Variants in FAF1 observed in about 807,000 individuals in gnomAD.
FAF1 encodes Fas associated factor 1.
A neutral mutation model predicts 92.5 loss-of-function variants in FAF1; 25 were observed. The ratio of observed to expected loss-of-function variants is 0.27; its 90% CI spans 0.20 to 0.38. FAF1 has a LOEUF of 0.38. Among genes scored for constraint, FAF1 ranks in the 10% least tolerant of loss-of-function variants. The pLI is 1.00. For synonymous variants in FAF1, 234 were observed against 273.2 expected (o/e 0.86, Z 1.42); for missense variants, 636 against 793.3 (o/e 0.80, Z 2.38).
chr1:50,584,668 G>C lies in FAF1; in HGVS notation c.967+17C>G. 1.2e-6 allele frequency: 2 copies of C among 1,609,426 alleles called. No individual in the cohort carries two copies. ...AAAGAATTCTATTGCTGGACCCAAA[G>C]AGCTATTAATACTCACTCATTGGAG... On this transcript the variant is annotated intron_variant, in intron 10 of 18. Transcript: ENST00000396153.
intron 4 of FAF1, among the ~76,000 whole-genome samples, chr1:50,762,611 T>C (rs1212572602): frequency 6.6e-6 from 1 of 152,176 alleles, no homozygotes; most frequent in Non-Finnish European, 1.5e-5. Flanking sequence ...ATTTAATAAA[T>C]GGTGCTGGGA....
At chr1:50,819,590 T>G (rs888686769) in intron 2 of FAF1, among the ~76,000 whole-genome samples, 2 of 145,258 alleles carry the variant, frequency 1.4e-5, no homozygotes, top group African/African-American at 5.1e-5. Context: ...CACACCACCA[T>G]ACTCCAGCCT....
In FAF1 at chr1:50,584,642, G is replaced by C. The variant is rs750708658; in HGVS notation, c.967+43C>G. The C allele has an allele frequency of 3.8e-6, 6 of 1,592,606 alleles. No homozygotes were observed. The East Asian group carries it at 1.1e-4, about 30-fold the overall frequency. On this transcript the variant is annotated intron_variant, in intron 10 of 18. Transcript: ENST00000396153. ...TTCTTCATAAGTTTGTGTACTAGAA[G>C]AAAGAATTCTATTGCTGGACCCAAA...
At chr1:50,467,337 C>T (rs1014263014) in intron 18 of FAF1, among the ~76,000 whole-genome samples, 7 of 152,038 alleles carry the variant, frequency 4.6e-5, no homozygotes, top group African/African-American at 1.2e-4. Flanking sequence ...CTTTTTGGGA[C>T]GGGGTCTCAC....
chr1:50,508,283 A>G (rs1224483148), intron 15 of FAF1, among the ~76,000 whole-genome samples: 1 of 152,254 alleles, frequency 6.6e-6, no homozygotes, highest in Non-Finnish European at 1.5e-5. Flanking sequence ...TTGTTAACAC[A>G]TGAATGTTCA....
chr1:50,779,327 G>GT (rs1396120273), intron 4 of FAF1, among the ~76,000 whole-genome samples: 6 of 152,140 alleles, frequency 3.9e-5, no homozygotes, highest in African/African-American at 1.4e-4. Flanking sequence ...GTTCTTCATG[G>GT]TATCTTAGAA....
At chr1:50,866,269 A>C (rs946573391) in intron 1 of FAF1, among the ~76,000 whole-genome samples, 6 of 152,180 alleles carry the variant, frequency 3.9e-5, no homozygotes, top group African/African-American at 7.2e-5. Context: ...ATTCCCCCTG[A>C]GAACTGGAAC....
chr1:50,519,619 T>G (rs1647401692), intron 15 of FAF1, among the ~76,000 whole-genome samples: 1 of 152,206 alleles, frequency 6.6e-6, no homozygotes. Flanking sequence ...AAGATGAGTA[T>G]AATAGGAAAT....
At chr1:50,823,923 G>C (rs772039640) in intron 2 of FAF1, among the ~76,000 whole-genome samples, 1 of 152,040 alleles carries the variant, frequency 6.6e-6, no homozygotes, top group South Asian at 2.1e-4. Flanking sequence ...CTTGTGACAG[G>C]AGATAAAAAT....
intron 18 of FAF1, among the ~76,000 whole-genome samples, chr1:50,453,715 C>G (rs576972190): frequency 6.6e-6 from 1 of 152,268 alleles, no homozygotes; most frequent in South Asian, 2.1e-4. Flanking sequence ...TAAGCAAAAG[C>G]ACCATGATGA....
At chr1:50,926,696 AATT>A (rs980322817) in intron 1 of FAF1, among the ~76,000 whole-genome samples, 1 of 152,220 alleles carries the variant, frequency 6.6e-6, no homozygotes, top group Non-Finnish European at 1.5e-5. Flanking sequence ...AAGTATACAC[AATT>A]ATTACATGTA....
intron 15 of FAF1, among the ~76,000 whole-genome samples, chr1:50,526,996 A>G (rs1444942893): frequency 6.6e-6 from 1 of 151,974 alleles, no homozygotes; most frequent in Non-Finnish European, 1.5e-5. Flanking sequence ...CTGGGACTAC[A>G]TGTGCGTGCC....
intron 7 of FAF1, among the ~76,000 whole-genome samples, chr1:50,677,895 CAAAA>C (rs1036524797): frequency 6.4e-5 from 4 of 62,540 alleles, no homozygotes; most frequent in Non-Finnish European, 9.6e-5. Context: ...AACTCTGCCT[CAAAA>C]AAAAAAAAAA....
At chr1:50,563,969 T>C (rs1650049802) in intron 13 of FAF1, among the ~76,000 whole-genome samples, 1 of 152,236 alleles carries the variant, frequency 6.6e-6, no homozygotes, top group Non-Finnish European at 1.5e-5. Context: ...TTTCTTTTCT[T>C]ATTCCAATTT....
At chr1:50,840,654 A>G (rs1644248500) in intron 2 of FAF1, among the ~76,000 whole-genome samples, 1 of 152,030 alleles carries the variant, frequency 6.6e-6, no homozygotes. Context: ...GTATTCCATA[A>G]TGCCTAGTGT....
chr1:50,771,041 T>A (rs1044165182), intron 4 of FAF1, among the ~76,000 whole-genome samples: 3 of 152,118 alleles, frequency 2.0e-5, no homozygotes, highest in African/African-American at 7.2e-5. Context: ...GGGTAGCTGG[T>A]TAGTCATATG....
chr1:50,724,969 C>A (rs1007916737), intron 6 of FAF1, among the ~76,000 whole-genome samples: 6 of 152,252 alleles, frequency 3.9e-5, no homozygotes, highest in African/African-American at 1.4e-4. Flanking sequence ...TCCTACAGAC[C>A]ACATGAGCAT....
At chr1:50,571,486 G>A (rs1185647844) in intron 12 of FAF1, among the ~76,000 whole-genome samples, 1 of 152,154 alleles carries the variant, frequency 6.6e-6, no homozygotes, top group Non-Finnish European at 1.5e-5. Flanking sequence ...CTGAATGAAA[G>A]GTAGCTGTTA....
chr1:50,921,057 G>C (rs1644958957), intron 1 of FAF1, among the ~76,000 whole-genome samples: 1 of 152,172 alleles, frequency 6.6e-6, no homozygotes, highest in African/African-American at 2.4e-5. Flanking sequence ...GAAGAAATAA[G>C]TAAATGTATA....
Sources: gnomAD v4.1 joint callset for allele counts (sites outside exome capture counted in the v4.1 genomes callset) on GRCh38, gnomAD v4.1.1 for gene constraint, MANE v1.5 for transcripts, NCBI Gene and HGNC (gene_info 2026-07-23, HGNC 2026-07-21) for gene names.